DOCK6: variants seen among roughly 807,000 people sequenced by gnomAD.
DOCK6 encodes dedicator of cytokinesis 6.
A neutral mutation model predicts 230.3 loss-of-function variants in DOCK6; 167 were observed. That is an observed-to-expected ratio of 0.73 (90% CI 0.64 to 0.82). DOCK6 has a LOEUF of 0.82. Ranked by LOEUF, DOCK6 falls within the 40% of genes least tolerant of loss-of-function variation. The pLI is 0.00. For missense variants in DOCK6, 2,598 were observed against 2,825.8 expected (o/e 0.92, Z 1.83); for synonymous variants, 1,148 against 1,185.0 (o/e 0.97, Z 0.64).
At chr19:11,246,071 GT>G (rs910989677) in intron 7 of DOCK6, among the ~76,000 whole-genome samples, 193 bp from the exon 8 acceptor site, 88 of 144,110 alleles carry the variant, frequency 6.1e-4, no homozygotes, top group Admixed American at 5.6e-4. Context: ...TTTTTTGTTG[GT>G]TTTTTTTTTT....
intron 22 of DOCK6, among the ~76,000 whole-genome samples, chr19:11,231,018 T>C (rs1055193569): frequency 6.6e-6 from 1 of 152,090 alleles, no homozygotes; most frequent in Admixed American, 6.6e-5. Context: ...GGGCCTTCCA[T>C]TGAAAAGGCC....
chr19:11,255,712 A>G (rs1344989469), intron 1 of DOCK6, among the ~76,000 whole-genome samples: 1 of 151,994 alleles, frequency 6.6e-6, no homozygotes, highest in Non-Finnish European at 1.5e-5. Flanking sequence ...GTCCCTCTTA[A>G]AATAGACAAG....
At chr19:11,218,487 A>G (rs2079529133) in intron 28 of DOCK6, among the ~76,000 whole-genome samples, 2 of 152,084 alleles carry the variant, frequency 1.3e-5, no homozygotes, top group South Asian at 4.1e-4. Context: ...TCACTCTGTC[A>G]CCCAGGCTGG....
intron 1 of DOCK6, among the ~76,000 whole-genome samples, chr19:11,256,865 G>C (rs1599295563): frequency 6.6e-6 from 1 of 151,676 alleles, no homozygotes; most frequent in East Asian, 2.0e-4. Context: ...TTTTAGTAGA[G>C]ATGGGGTTTC....
chr19:11,243,977 C>T lies in DOCK6; in HGVS notation c.1024-95G>A, dbSNP rs2079993175. On this transcript the variant is annotated intron_variant, in intron 9 of 47. Coordinates refer to ENST00000294618, the MANE Select transcript of DOCK6 (RefSeq NM_020812.4). The surrounding 1 kb of genome is among the most constrained non-coding windows in gnomAD (Gnocchi z 6.3). ...GCCTCCTGGACCCCTCATGGGCCCT[C>T]GGACACTCCTAACATATGAAGGCCT... The T allele has an allele frequency of 2.3e-6, 3 of 1,328,120 alleles. No individual in the cohort carries two copies. Among genetic ancestry groups the T allele is most frequent in the South Asian group, 1.3e-5 (1 of 78,882 alleles). The allele number at this position is 1,328,120 out of a possible 1,614,324, so 82.3% of individuals were successfully genotyped here. A position where few individuals can be genotyped will look rare whatever the true frequency, so the allele number is the denominator to read the frequency against.
chr19:11,202,761 T>C lies in DOCK6; in HGVS notation c.5236-52A>G. The C allele has an allele frequency of 6.2e-7, 1 of 1,608,020 alleles. No homozygotes were observed. The highest frequency in any genetic ancestry group is 2.2e-5 in the East Asian group (1 of 44,884). Reference sequence around the variant, plus strand: ...GTCCGGGAGGCCCCTGCTGGAGGTCTCCCTGCCCCAGAGATAGGTGTCTCG... The same window carrying C: ...GTCCGGGAGGCCCCTGCTGGAGGTCCCCCTGCCCCAGAGATAGGTGTCTCG... On this transcript the variant is annotated intron_variant, in intron 41 of 47. Coordinates refer to ENST00000294618, the MANE Select transcript of DOCK6 (RefSeq NM_020812.4). The surrounding 1 kb of genome is among the most constrained non-coding windows in gnomAD (Gnocchi z 5.3).
At chr19:11,256,501 T>A (rs1208433532) in intron 1 of DOCK6, among the ~76,000 whole-genome samples, 1 of 152,088 alleles carries the variant, frequency 6.6e-6, no homozygotes, top group African/African-American at 2.4e-5. Flanking sequence ...TGAGTGACCA[T>A]CAGTCTCTCA....
In DOCK6 at chr19:11,213,177, T is replaced by C. The variant is rs2079421125; in HGVS notation, c.4490A>G (p.His1497Arg). The change falls in exon 35 of 48, where the codon CAC becomes CGC. Residue 1497 changes from histidine (H) to arginine (R), a missense_variant and splice_region_variant. His to Arg is a conservative substitution (Grantham distance 29). Coordinates refer to ENST00000294618, the MANE Select transcript of DOCK6 (RefSeq NM_020812.4). ...LLMRQNFEIG[H>R]NFARVKMQVT... ...CCATGCCTCCTAGCCCCCACTCACG[T>C]GGCCGATCTCGAAGTTCTGTCGCAT... is the stretch of plus-strand genomic sequence containing the variant. 2 of 1,611,378 alleles carry C rather than the reference T, an allele frequency of 1.2e-6. No individual in the cohort carries two copies. The highest frequency in any genetic ancestry group is 1.7e-6 in the Non-Finnish European group (2 of 1,178,488).
At chr19:11,247,669 GC>G in intron 7 of DOCK6, 1 of 165,950 alleles carries the variant, frequency 6.0e-6, no homozygotes, top group Non-Finnish European at 1.3e-5. Flanking sequence ...ACTAGCACCC[GC>G]CCCAAAGCCT....
rs1177710233 is a variant in DOCK6 at position 11,201,190 on chromosome 19, C to T, written c.5689-138G>A. ...GCAATGAACAGAATCTGGGGGCCTT[C>T]CTGGGTCTGACTCTGGGGGGGTCCA... On this transcript the variant is annotated intron_variant, in intron 44 of 47. Coordinates refer to ENST00000294618, the MANE Select transcript of DOCK6 (RefSeq NM_020812.4). The surrounding 1 kb of genome is among the most constrained non-coding windows in gnomAD (Gnocchi z 4.3). The T allele has an allele frequency of 1.8e-6, 2 of 1,141,444 alleles. No homozygotes were observed. Among genetic ancestry groups the T allele is most frequent in the African/African-American group, 1.5e-5 (1 of 64,850 alleles). 70.7% of individuals were successfully genotyped at this position (1,141,444 alleles called of 1,614,324 possible). A position where few individuals can be genotyped will look rare whatever the true frequency, so the allele number is the denominator to read the frequency against.
rs973869559 is a variant in DOCK6 at position 11,200,327 on chromosome 19, G to T, written c.6082C>A (p.Pro2028Thr). The change falls in exon 47 of 48, where the codon CCC becomes ACC. Residue 2028 changes from proline (P) to threonine (T), a missense_variant. Coordinates refer to ENST00000294618, the MANE Select transcript of DOCK6 (RefSeq NM_020812.4). This position sits in a 1 kb window ranked among gnomAD's most constrained non-coding sequence, Gnocchi z 4.3. The part of the protein sequence containing the change: ...LTQRLPQLMA[P>T]TPPGLRNSLN... ...AGGCACCTGAGGCCGGGTGGGGTGG[G>T]TGCCATCAGCTGGGGCAGGCGCTGG... 1 of 1,570,678 alleles carries T rather than the reference G, an allele frequency of 6.4e-7. No individual in the cohort carries two copies. The highest frequency in any genetic ancestry group is 2.4e-5 in the East Asian group (1 of 42,536).
Position 11,243,084 on chromosome 19 carries a change from C to G in DOCK6, c.1455G>C (p.Leu485=), listed in dbSNP as rs373281900. 9 of 1,613,964 alleles carry G rather than the reference C, an allele frequency of 5.6e-6. 1 individual carries two copies. In the South Asian group the frequency reaches 9.9e-5, roughly 18 times the overall value. ...FLADMRRPSS[L]LRRLRPVTAQ... is the part of the protein sequence containing the mutation. Reference sequence around the variant, plus strand: ...CAGTCACAGGACGTAGTCGCCGCAGCAGGGACGACGGGCGCCTCATGTCAG... The same window carrying G: ...CAGTCACAGGACGTAGTCGCCGCAGGAGGGACGACGGGCGCCTCATGTCAG... The change falls in exon 13 of 48, where the codon CTG becomes CTC. Residue 485 remains leucine (L), a synonymous_variant. Transcript: ENST00000294618. The surrounding 1 kb of genome is among the most constrained non-coding windows in gnomAD (Gnocchi z 6.3).
Position 11,243,093 on chromosome 19 carries a change from C to T in DOCK6, c.1446G>A (p.Pro482=), listed in dbSNP as rs376455741. Residue 482 remains proline, a synonymous_variant, in exon 13 of 48, where the codon CCG becomes CCA. Coordinates refer to ENST00000294618, the MANE Select transcript of DOCK6 (RefSeq NM_020812.4). This position sits in a 1 kb window ranked among gnomAD's most constrained non-coding sequence, Gnocchi z 6.3. ...LFKFLADMRR[P]SSLLRRLRPV... is the part of the protein sequence containing the mutation. The stretch of plus-strand genomic sequence containing the variant: ...GACGTAGTCGCCGCAGCAGGGACGA[C>T]GGGCGCCTCATGTCAGCCAGGAACT... 140 of 1,613,964 alleles carry T rather than the reference C, an allele frequency of 8.7e-5. No individual in the cohort carries two copies. Among genetic ancestry groups the T allele is most frequent in the South Asian group, 3.7e-4 (34 of 91,088 alleles).
chr19:11,224,677 G>C (rs2079636515), intron 24 of DOCK6, among the ~76,000 whole-genome samples: 1 of 152,192 alleles, frequency 6.6e-6, no homozygotes, highest in Admixed American at 6.5e-5. Context: ...TGAGGTGGCT[G>C]ATGTGGCCCT....
At chr19:11,225,097 G>A (rs1484134783) in intron 24 of DOCK6, among the ~76,000 whole-genome samples, 2 of 151,890 alleles carry the variant, frequency 1.3e-5, no homozygotes, top group Admixed American at 6.6e-5. Flanking sequence ...GCATGGTGGC[G>A]CACCCCTGTA....
At chr19:11,211,213 A>G (rs2079378740) in intron 37 of DOCK6, among the ~76,000 whole-genome samples, 1 of 150,620 alleles carries the variant, frequency 6.6e-6, no homozygotes, top group African/African-American at 2.5e-5. Context: ...CTACCTGTGG[A>G]AACTTGAGTC....
At chr19:11,208,510 G>T in intron 39 of DOCK6, 176 bp downstream of exon 39, 1 of 813,166 alleles carries the variant, frequency 1.2e-6, no homozygotes. Context: ...CGAACTCCTG[G>T]CCTCATGACC....
In DOCK6 at chr19:11,228,878, T is replaced by C. The variant is rs943009503; in HGVS notation, c.2814+62A>G. ...TGCCTGGCCAGGGGGCTTCTCTCTT[T>C]AAAAAAGGAAGGGGCTCCACTGGGG... On this transcript the variant is annotated intron_variant, in intron 23 of 47. Coordinates refer to ENST00000294618, the MANE Select transcript of DOCK6 (RefSeq NM_020812.4). 6.8e-5 allele frequency: 106 copies of C among 1,558,332 alleles called. 1 individual carries two copies. The South Asian group carries it at 1.1e-3, about 16-fold the overall frequency.
chr19:11,237,584 G>T (rs1452430234), intron 17 of DOCK6, 27 bp from the exon 18 acceptor site: 1 of 1,610,016 alleles, frequency 6.2e-7, no homozygotes. Context: ...GGTCAGGTCT[G>T]CGGCCAGGTT....
Sources: gnomAD v4.1 joint callset for allele counts (sites outside exome capture counted in the v4.1 genomes callset) on GRCh38, gnomAD v4.1.1 for gene constraint, Gnocchi (gnomAD v3.1) non-coding constraint, MANE v1.5 for transcripts, NCBI Gene and HGNC (gene_info 2026-07-23, HGNC 2026-07-21) for gene names.